The following ZMAT4 variants were observed in gnomAD, a reference collection of about 807,000 sequenced individuals.
ZMAT4 encodes zinc finger matrin-type protein 4.
Under a neutral mutation model 28.7 loss-of-function variants are expected in ZMAT4, and 17 were observed. That is an observed-to-expected ratio of 0.59 (90% CI 0.41 to 0.89). ZMAT4 has a LOEUF of 0.89. ZMAT4 is among the 40% of genes least tolerant of loss of function. ZMAT4 has a pLI of 0.00. For missense variants in ZMAT4, 240 were observed against 283.8 expected, an observed-to-expected ratio of 0.85 and a Z score of 1.11; for synonymous variants, 117 against 109.2, an observed-to-expected ratio of 1.07 and a Z score of -0.44.
At chr8:40,703,465 C>T (rs1810230076) in intron 3 of ZMAT4, among the ~76,000 whole-genome samples, 1 of 152,078 alleles carries the variant, frequency 6.6e-6, no homozygotes. Flanking sequence ...TAAAAGAAGC[C>T]AATCCATCAC....
chr8:40,841,849 A>G (rs1488114996), intron 1 of ZMAT4, among the ~76,000 whole-genome samples: 1 of 152,138 alleles, frequency 6.6e-6, no homozygotes, highest in Non-Finnish European at 1.5e-5. Context: ...TACCCTGAAC[A>G]TTGTTAAGAA....
intron 6 of ZMAT4, among the ~76,000 whole-genome samples, chr8:40,536,868 A>T (rs1040326671): frequency 6.6e-6 from 1 of 151,786 alleles, no homozygotes; most frequent in African/African-American, 2.4e-5. Flanking sequence ...CTTGCTTCTG[A>T]AAAGGGTGAA....
chr8:40,666,408 C>A (rs1221513971), intron 5 of ZMAT4, among the ~76,000 whole-genome samples: 1 of 152,024 alleles, frequency 6.6e-6, no homozygotes, highest in African/African-American at 2.4e-5. Flanking sequence ...CCATCTAGGC[C>A]AACCTCATTT....
At chr8:40,820,326 A>T (rs1038248955) in intron 2 of ZMAT4, among the ~76,000 whole-genome samples, 1 of 147,378 alleles carries the variant, frequency 6.8e-6, no homozygotes, top group African/African-American at 2.5e-5. Context: ...TTATGTGTGT[A>T]TATGTGTATG....
intron 1 of ZMAT4, among the ~76,000 whole-genome samples, chr8:40,870,295 T>C (rs1359045494): frequency 6.6e-6 from 1 of 152,200 alleles, no homozygotes; most frequent in Admixed American, 6.5e-5. Flanking sequence ...CCCCTCTTCC[T>C]TTCTGTAGCC....
At chr8:40,616,182 A>G (rs1290700845) in intron 5 of ZMAT4, among the ~76,000 whole-genome samples, 3 of 152,340 alleles carry the variant, frequency 2.0e-5, no homozygotes, top group East Asian at 1.9e-4. Flanking sequence ...CAAAACCACA[A>G]TGAGATACCA....
At chr8:40,839,704 G>A (rs1420513266) in intron 1 of ZMAT4, among the ~76,000 whole-genome samples, 2 of 152,156 alleles carry the variant, frequency 1.3e-5, no homozygotes, top group Non-Finnish European at 2.9e-5. Context: ...AACATGCCAG[G>A]CACAGAAAGT....
intron 1 of ZMAT4, among the ~76,000 whole-genome samples, chr8:40,837,881 C>T (rs1409319144): frequency 1.3e-5 from 2 of 152,202 alleles, no homozygotes; most frequent in Non-Finnish European, 2.9e-5. Context: ...TGGCACCTGC[C>T]AAGAAGTCTG....
chr8:40,859,410 C>T (rs1436708635), intron 1 of ZMAT4, among the ~76,000 whole-genome samples: 3 of 152,172 alleles, frequency 2.0e-5, no homozygotes, highest in African/African-American at 7.2e-5. Context: ...CCCAAATCTT[C>T]AATCCCTCAA....
chr8:40,826,219 T>A (rs1816033995), intron 1 of ZMAT4, among the ~76,000 whole-genome samples: 1 of 152,234 alleles, frequency 6.6e-6, no homozygotes, highest in East Asian at 1.9e-4. Context: ...TAAATGAACT[T>A]TGATATATCA....
At chr8:40,567,074 G>T (rs376067217) in intron 6 of ZMAT4, among the ~76,000 whole-genome samples, 4 of 152,076 alleles carry the variant, frequency 2.6e-5, no homozygotes, top group Non-Finnish European at 4.4e-5. Flanking sequence ...AGAAGGAAAG[G>T]CACTTACATA....
chr8:40,825,714 C>T lies in ZMAT4; in HGVS notation c.-4-34G>A. The T allele has an allele frequency of 3.3e-6, 5 of 1,500,390 alleles. 1 individual carries two copies. The highest frequency in any genetic ancestry group is 3.5e-4 in the Middle Eastern group (2 of 5,668). The allele number at this position is 1,500,390 out of a possible 1,614,324, so 92.9% of individuals were successfully genotyped here. A position where few individuals can be genotyped will look rare whatever the true frequency, so the allele number is the denominator to read the frequency against. ...GAATCAACAGAAAAGAAAAATGAGT[C>T]CACTGCTTTGATGTTTATGCAAGAT... On this transcript the variant is annotated intron_variant, in intron 1 of 6. Transcript: ENST00000297737.
At chr8:40,661,482 T>G (rs937658367) in intron 5 of ZMAT4, among the ~76,000 whole-genome samples, 5 of 152,264 alleles carry the variant, frequency 3.3e-5, no homozygotes, top group African/African-American at 4.8e-5. Context: ...ACCTGACATT[T>G]GTTTCTTATA....
At chr8:40,619,136 A>T (rs1806114996) in intron 5 of ZMAT4, among the ~76,000 whole-genome samples, 1 of 152,156 alleles carries the variant, frequency 6.6e-6, no homozygotes. Flanking sequence ...TGATGCTTTC[A>T]GCTGGCCACA....
intron 1 of ZMAT4, among the ~76,000 whole-genome samples, chr8:40,836,123 T>C (rs1304801339): frequency 1.3e-5 from 2 of 152,232 alleles, no homozygotes; most frequent in African/African-American, 4.8e-5. Context: ...TGACATCTTG[T>C]GACACCCCCT....
At chr8:40,764,464 G>A (rs1813062817) in intron 3 of ZMAT4, among the ~76,000 whole-genome samples, 2 of 152,326 alleles carry the variant, frequency 1.3e-5, no homozygotes, top group South Asian at 4.1e-4. Flanking sequence ...GCGTTTGTAA[G>A]TAAATTTCGA....
chr8:40,828,958 GAA>G (rs113908008), intron 1 of ZMAT4, among the ~76,000 whole-genome samples: 13 of 143,286 alleles, frequency 9.1e-5, no homozygotes, highest in Non-Finnish European at 9.2e-5. Flanking sequence ...TAAGAAAAAG[GAA>G]AAAAAAAAAA....
intron 3 of ZMAT4, among the ~76,000 whole-genome samples, chr8:40,732,113 C>T (rs1811567337): frequency 6.6e-6 from 1 of 152,046 alleles, no homozygotes; most frequent in African/African-American, 2.4e-5. Context: ...TCATTTTTAT[C>T]AGATGGAGAG....
intron 5 of ZMAT4, among the ~76,000 whole-genome samples, chr8:40,601,590 GAA>G (rs1194738208): frequency 1.1e-4 from 1 of 8,974 alleles, no homozygotes; most frequent in Non-Finnish European, 3.0e-4. Context: ...AAGAAAGAAA[GAA>G]AGAAAGAAAG....
Sources: gnomAD v4.1 joint callset for allele counts (sites outside exome capture counted in the v4.1 genomes callset) on GRCh38, gnomAD v4.1.1 for gene constraint, MANE v1.5 for transcripts, NCBI Gene and HGNC (gene_info 2026-07-23, HGNC 2026-07-21) for gene names.